ABCC4: variants seen among roughly 807,000 people sequenced by gnomAD.
ABCC4 encodes the protein ATP binding cassette subfamily C member 4 (PEL blood group), also known as ATP-binding cassette sub-family C member 4.
In ABCC4, 102 loss-of-function variants were observed where a neutral mutation model predicts 168.5. That is an observed-to-expected ratio of 0.61 (90% CI 0.52 to 0.71). The LOEUF is 0.71. Among genes scored for constraint, ABCC4 ranks in the 30% least tolerant of loss-of-function variants. ABCC4 has a pLI of 0.00. For synonymous variants in ABCC4, 617 were observed against 590.7 expected (o/e 1.04, Z -0.65); for missense variants, 1,402 against 1,605.8 (o/e 0.87, Z 2.17).
chr13:95,176,061 C>A lies in ABCC4; in HGVS notation c.1727+1646G>T, dbSNP rs111522098. Among the ~76,000 whole-genome samples, 532 of 152,184 alleles carry A rather than the reference C, an allele frequency of 3.5e-3. 5 individuals carry two copies. Among genetic ancestry groups the A allele is most frequent in the African/African-American group, 0.012 (501 of 41,520 alleles). ...GAATCCTACTCTCAGCCACCACAAA[C>A]CCTTACCAGCCTGCAGGACCACAGG... is the stretch of plus-strand genomic sequence containing the variant. On this transcript the variant is annotated intron_variant, in intron 13 of 30. Transcript: ENST00000645237.
intron 17 of ABCC4, among the ~76,000 whole-genome samples, 157 bp from the exon 18 acceptor site, chr13:95,163,373 A>G (rs1451395083): frequency 6.6e-6 from 1 of 152,186 alleles, no homozygotes; most frequent in African/African-American, 2.4e-5. Flanking sequence ...TAAAAATTCA[A>G]TTTAAATCAC....
intron 1 of ABCC4, among the ~76,000 whole-genome samples, chr13:95,252,020 C>A (rs2040276860): frequency 6.6e-6 from 1 of 152,144 alleles, no homozygotes; most frequent in Admixed American, 6.5e-5. Flanking sequence ...CGTCACCCAC[C>A]TTTAGTCATT....
chr13:95,043,589 C>G, intron 29 of ABCC4, 93 bp downstream of exon 29: 2 of 1,063,892 alleles, frequency 1.9e-6, no homozygotes, highest in Non-Finnish European at 2.8e-6. Context: ...AATTAACTTA[C>G]TAGGGGTTTC....
Position 95,118,846 on chromosome 13 carries a change from G to A in ABCC4, c.2456-2845C>T, listed in dbSNP as rs4148519. 1.7e-3 allele frequency among the ~76,000 whole-genome samples: 256 copies of A among 152,282 alleles called. 2 individuals carry two copies. In the East Asian group the frequency reaches 0.043, roughly 25 times the overall value. ...TGCCTTCCGGGAACATCCAATCGTT[G>A]CTGCTGATTCTGCCCTTACAACCAT... is the stretch of plus-strand genomic sequence containing the variant. On this transcript the variant is annotated intron_variant, in intron 19 of 30. Coordinates refer to ENST00000645237, the MANE Select transcript of ABCC4 (RefSeq NM_005845.5).
At chr13:95,286,956 CAAAA>C (rs34188007) in intron 1 of ABCC4, among the ~76,000 whole-genome samples, 3 of 118,870 alleles carry the variant, frequency 2.5e-5, no homozygotes, top group Non-Finnish European at 3.4e-5. Context: ...AACTCTGTCT[CAAAA>C]AAAAAAAAAA....
chr13:95,065,182 C>T (rs1208139680), intron 25 of ABCC4, among the ~76,000 whole-genome samples: 1 of 152,204 alleles, frequency 6.6e-6, no homozygotes, highest in African/African-American at 2.4e-5. Context: ...GTTTTCTCAA[C>T]TCCAAGCACT....
In ABCC4 at chr13:95,021,429, G is replaced by C; in HGVS notation, c.*146C>G. 1 of 556,038 alleles carries C rather than the reference G, an allele frequency of 1.8e-6. No individual in the cohort carries two copies. Among genetic ancestry groups the C allele is most frequent in the Non-Finnish European group, 3.2e-6 (1 of 311,698 alleles). 34.4% of individuals were successfully genotyped at this position (556,038 alleles called of 1,614,324 possible). The stretch of plus-strand genomic sequence containing the variant: ...ATTTTGTTAGAGCTGGAGATCCTTG[G>C]ATAAGTTGGGAGAAATATTCAAATG... On this transcript the variant is annotated 3_prime_UTR_variant, in exon 31 of 31. Transcript: ENST00000645237.
intron 1 of ABCC4, among the ~76,000 whole-genome samples, chr13:95,278,806 GAAAAAAAAAAAA>G (rs71113905): frequency 2.3e-4 from 8 of 34,360 alleles, no homozygotes; most frequent in Non-Finnish European, 3.6e-4. Context: ...CCCTGTCTCG[GAAAAAAAAAAAA>G]AAAAAAAAAA....
At chr13:95,038,078 C>A (rs905966459) in intron 29 of ABCC4, among the ~76,000 whole-genome samples, 1 of 152,048 alleles carries the variant, frequency 6.6e-6, no homozygotes, top group Non-Finnish European at 1.5e-5. Flanking sequence ...TGGTTTTAAA[C>A]TCCTGAGCTC....
At position 95,186,911 on chromosome 13, in the gene ABCC4, A is replaced by T. The variant is rs148066460; in HGVS notation, c.1354-19T>A. ...GTGATGACTGAAACAGATTGTAAAA[A>T]AGCACATGTTCAGTCAACACTCGAG... On this transcript the variant is annotated intron_variant, in intron 10 of 30. Coordinates refer to ENST00000645237, the MANE Select transcript of ABCC4 (RefSeq NM_005845.5). 182 of 1,595,604 alleles carry T rather than the reference A, an allele frequency of 1.1e-4. 1 individual carries two copies. In the African/African-American group the frequency reaches 2.2e-3, roughly 19 times the overall value.
At chr13:95,149,267 G>A (rs1403666998) in intron 19 of ABCC4, among the ~76,000 whole-genome samples, 1 of 152,098 alleles carries the variant, frequency 6.6e-6, no homozygotes, top group Admixed American at 6.6e-5. Flanking sequence ...TCATTTACAG[G>A]ACCACGTCAA....
chr13:95,223,661 C>A (rs147939509), intron 4 of ABCC4, among the ~76,000 whole-genome samples: 1 of 152,090 alleles, frequency 6.6e-6, no homozygotes, highest in Non-Finnish European at 1.5e-5. Flanking sequence ...GCCACCACAC[C>A]CAGCTAAATT....
chr13:95,050,401 G>A (rs2032778992), intron 27 of ABCC4, among the ~76,000 whole-genome samples: 1 of 152,096 alleles, frequency 6.6e-6, no homozygotes, highest in South Asian at 2.1e-4. Context: ...AAGAATACAA[G>A]CACCCAGAAG....
chr13:95,080,675 G>T (rs2034064948), intron 21 of ABCC4, among the ~76,000 whole-genome samples: 2 of 152,196 alleles, frequency 1.3e-5, no homozygotes, highest in South Asian at 4.1e-4. Context: ...GTTTCTCCAT[G>T]TTGGTCAGGC....
chr13:95,222,080 A>T (rs1244734343), intron 4 of ABCC4, among the ~76,000 whole-genome samples: 1 of 152,232 alleles, frequency 6.6e-6, no homozygotes, highest in Non-Finnish European at 1.5e-5. Context: ...CATATGGCAG[A>T]TGCTGGAGCC....
intron 19 of ABCC4, among the ~76,000 whole-genome samples, chr13:95,149,954 A>AT (rs1351046641): frequency 6.6e-6 from 1 of 152,132 alleles, no homozygotes; most frequent in Admixed American, 6.5e-5. Context: ...ACCAGGGGAG[A>AT]TATACTGTTT....
At chr13:95,216,032 T>C (rs1023426929) in intron 4 of ABCC4, among the ~76,000 whole-genome samples, 2 of 152,224 alleles carry the variant, frequency 1.3e-5, no homozygotes, top group Non-Finnish European at 2.9e-5. Flanking sequence ...GTCATATTCA[T>C]TTATGTCATT....
intron 20 of ABCC4, among the ~76,000 whole-genome samples, chr13:95,103,439 T>C (rs2034884728): frequency 6.6e-6 from 1 of 152,198 alleles, no homozygotes; most frequent in African/African-American, 2.4e-5. Flanking sequence ...GCTCCAATTT[T>C]GCAAGCAACT....
intron 19 of ABCC4, among the ~76,000 whole-genome samples, chr13:95,137,687 C>T (rs1381619816): frequency 1.3e-5 from 2 of 152,122 alleles, no homozygotes; most frequent in African/African-American, 4.8e-5. Flanking sequence ...CCAATTTGCA[C>T]GGGTTCTTCA....
Sources: gnomAD v4.1 joint callset for allele counts (sites outside exome capture counted in the v4.1 genomes callset) on GRCh38, gnomAD v4.1.1 for gene constraint, MANE v1.5 for transcripts, NCBI Gene and HGNC (gene_info 2026-07-23, HGNC 2026-07-21) for gene names.